CLASP2: variants seen among roughly 807,000 people sequenced by gnomAD.
The protein encoded by CLASP2 is cytoplasmic linker associated protein 2, also known as CLIP-associating protein 2.
A neutral mutation model predicts 194.4 loss-of-function variants in CLASP2; 47 were observed. The observed-to-expected ratio is 0.24, with a 90% CI of 0.19 to 0.31. The LOEUF (loss-of-function observed/expected upper bound fraction) is 0.31, where lower values mean the gene tolerates loss of function less well. CLASP2 is among the 10% of genes least tolerant of loss of function. CLASP2 has a pLI of 1.00. For missense variants in CLASP2, 1,445 were observed against 1,823.6 expected, an observed-to-expected ratio of 0.79 and a Z score of 3.78; for synonymous variants, 619 against 633.5, an observed-to-expected ratio of 0.98 and a Z score of 0.34.
intron 6 of CLASP2, among the ~76,000 whole-genome samples, chr3:33,667,545 C>T (rs972156517): frequency 6.6e-6 from 1 of 151,322 alleles, no homozygotes; most frequent in African/African-American, 2.4e-5. Context: ...CTATTTTTCT[C>T]CATTGGTTGC....
At chr3:33,587,256 G>A (rs2067613133) in intron 21 of CLASP2, among the ~76,000 whole-genome samples, 1 of 151,956 alleles carries the variant, frequency 6.6e-6, no homozygotes, top group South Asian at 2.1e-4. Context: ...CTCCTGTGTA[G>A]CTGGGACTAC....
At chr3:33,712,630 A>T (rs2093069997) in intron 1 of CLASP2, among the ~76,000 whole-genome samples, 1 of 152,132 alleles carries the variant, frequency 6.6e-6, no homozygotes, top group African/African-American at 2.4e-5. Context: ...CCGAATTTAG[A>T]GTTCCGGAAT....
chr3:33,592,340 A>G, intron 21 of CLASP2, 55 bp downstream of exon 21: 1 of 1,247,326 alleles, frequency 8.0e-7, no homozygotes, highest in Non-Finnish European at 1.2e-6. Context: ...TACAAAAGCA[A>G]CACACTTATC....
rs1041960446 is a variant in CLASP2 at position 33,498,667 on chromosome 3, T to A, written c.4485A>T (p.Gly1495=). Residue 1495 remains glycine (G), a synonymous_variant, in exon 39 of 39, where the codon GGA becomes GGT. Transcript: ENST00000682230. The part of the protein sequence containing the change: ...YIKRAQTGSG[G]ADPTTDVSGQ... ...CAGAAACATCAGTAGTGGGATCAGCTCCTCCAGAACCTGTTTGTGCACGTT... is the reference window on the plus strand; with the variant it reads ...CAGAAACATCAGTAGTGGGATCAGCACCTCCAGAACCTGTTTGTGCACGTT... The A allele has an allele frequency of 6.2e-7, 1 of 1,613,596 alleles. No homozygotes were observed. The highest frequency in any genetic ancestry group is 8.5e-7 in the Non-Finnish European group (1 of 1,179,584).
chr3:33,603,147 T>C, intron 17 of CLASP2, 22 bp from the exon 18 acceptor site: 1 of 1,530,686 alleles, frequency 6.5e-7, no homozygotes, highest in Non-Finnish European at 8.8e-7. Flanking sequence ...AAAGCAAAGA[T>C]AACTTATATC....
At chr3:33,588,928 GT>G (rs1483073146) in intron 21 of CLASP2, among the ~76,000 whole-genome samples, 5 of 152,090 alleles carry the variant, frequency 3.3e-5, no homozygotes, top group Admixed American at 1.3e-4. Flanking sequence ...AGTACATTTA[GT>G]TGTTTTTAAA....
chr3:33,560,766 G>C (rs1238608785), intron 28 of CLASP2, 42 bp downstream of exon 28: 1 of 1,560,878 alleles, frequency 6.4e-7, no homozygotes, highest in Non-Finnish European at 8.8e-7. Context: ...GATATTCCTA[G>C]TTATTATCAG....
At chr3:33,708,280 T>C (rs115195784) in intron 1 of CLASP2, among the ~76,000 whole-genome samples, 1 of 150,928 alleles carries the variant, frequency 6.6e-6, no homozygotes, top group African/African-American at 2.4e-5. Context: ...ATCTATAAAT[T>C]TGACTTTTTT....
At chr3:33,583,023 G>A (rs2154213063) in intron 22 of CLASP2, among the ~76,000 whole-genome samples, 1 of 152,266 alleles carries the variant, frequency 6.6e-6, no homozygotes. Flanking sequence ...TATTTCTAAG[G>A]AATTATTTGT....
intron 1 of CLASP2, among the ~76,000 whole-genome samples, chr3:33,704,714 C>G (rs1422448514): frequency 1.3e-5 from 2 of 152,042 alleles, no homozygotes; most frequent in Non-Finnish European, 2.9e-5. Context: ...GATTGCACCA[C>G]TGCACTCCAG....
intron 3 of CLASP2, 60 bp downstream of exon 3, chr3:33,689,769 G>T: frequency 8.7e-7 from 1 of 1,155,004 alleles, no homozygotes; most frequent in Non-Finnish European, 1.2e-6. Flanking sequence ...GCTTGCTGTG[G>T]CTTTAATGAT....
chr3:33,705,913 A>C (rs2092656479), intron 1 of CLASP2, among the ~76,000 whole-genome samples: 1 of 152,196 alleles, frequency 6.6e-6, no homozygotes, highest in African/African-American at 2.4e-5. Context: ...TATGTATATC[A>C]AAAAAAGGGG....
intron 29 of CLASP2, among the ~76,000 whole-genome samples, chr3:33,553,868 T>G (rs1413830435): frequency 6.6e-6 from 1 of 152,162 alleles, no homozygotes; most frequent in African/African-American, 2.4e-5. Flanking sequence ...CCAAAGGATA[T>G]GAAATCAGAA....
intron 37 of CLASP2, among the ~76,000 whole-genome samples, chr3:33,506,688 T>G (rs1011843173): frequency 6.6e-6 from 1 of 152,154 alleles, no homozygotes; most frequent in Non-Finnish European, 1.5e-5. Flanking sequence ...GGGGTTCAAC[T>G]TCATTGTTTT....
chr3:33,674,276 A>G (rs1020495914), intron 6 of CLASP2, among the ~76,000 whole-genome samples: 1 of 152,210 alleles, frequency 6.6e-6, no homozygotes, highest in Non-Finnish European at 1.5e-5. Flanking sequence ...ACTAGAACTC[A>G]GCATTAAGAA....
intron 8 of CLASP2, among the ~76,000 whole-genome samples, chr3:33,636,181 T>C (rs1308377291): frequency 1.3e-5 from 2 of 152,126 alleles, no homozygotes; most frequent in Admixed American, 1.3e-4. Context: ...GAATCAGAAG[T>C]AGAAAGCCCC....
At chr3:33,559,597 A>G (rs1036428990) in intron 28 of CLASP2, among the ~76,000 whole-genome samples, 1 of 152,166 alleles carries the variant, frequency 6.6e-6, no homozygotes, top group African/African-American at 2.4e-5. Context: ...GTACAGGGTT[A>G]AAAAGTAACT....
intron 22 of CLASP2, among the ~76,000 whole-genome samples, chr3:33,583,666 G>A (rs1257676913): frequency 6.6e-6 from 1 of 152,180 alleles, no homozygotes; most frequent in Non-Finnish European, 1.5e-5. Context: ...GAAAAAGTAT[G>A]GAAGTTGAGA....
intron 34 of CLASP2, among the ~76,000 whole-genome samples, chr3:33,523,986 A>G (rs1204577350): frequency 6.6e-6 from 1 of 152,240 alleles, no homozygotes; most frequent in Non-Finnish European, 1.5e-5. Flanking sequence ...AAATTTAAAC[A>G]TTTCACTACA....
Sources: gnomAD v4.1 joint callset for allele counts (sites outside exome capture counted in the v4.1 genomes callset) on GRCh38, gnomAD v4.1.1 for gene constraint, MANE v1.5 for transcripts, NCBI Gene and HGNC (gene_info 2026-07-23, HGNC 2026-07-21) for gene names.